Variants in WASF1 observed in about 807,000 individuals in gnomAD.
The protein encoded by WASF1 is actin-binding protein WASF1.
A neutral mutation model predicts 50.5 loss-of-function variants in WASF1; 7 were observed. The ratio of observed to expected loss-of-function variants is 0.14; its 90% CI spans 0.08 to 0.26. The LOEUF (loss-of-function observed/expected upper bound fraction) is 0.26. Among genes scored for constraint, WASF1 ranks in the 10% least tolerant of loss-of-function variants. The pLI, the probability that WASF1 is intolerant of heterozygous loss-of-function variation, is 1.00. For missense variants in WASF1, 470 were observed against 694.7 expected (o/e 0.68, Z 3.64); for synonymous variants, 205 against 244.0 (o/e 0.84, Z 1.49).
At chr6:110,141,919 G>A (rs566243930) in intron 3 of WASF1, among the ~76,000 whole-genome samples, 1 of 151,984 alleles carries the variant, frequency 6.6e-6, no homozygotes, top group Admixed American at 6.5e-5. Context: ...TTACAGGTGC[G>A]CACCGCCACG....
intron 6 of WASF1, 69 bp downstream of exon 6, chr6:110,108,459 T>G: frequency 1.4e-6 from 2 of 1,452,192 alleles, no homozygotes; most frequent in Non-Finnish European, 1.9e-6. Context: ...TAAAGAATGT[T>G]TGGGGATTTA....
At chr6:110,119,146 G>A (rs962702711) in intron 4 of WASF1, among the ~76,000 whole-genome samples, 3 of 152,088 alleles carry the variant, frequency 2.0e-5, no homozygotes, top group African/African-American at 7.2e-5. Context: ...AGAGAAGCAA[G>A]AGCAAACATG....
At chr6:110,138,972 G>A (rs560410351) in intron 3 of WASF1, among the ~76,000 whole-genome samples, 57 of 152,304 alleles carry the variant, frequency 3.7e-4, no homozygotes, top group African/African-American at 1.3e-3. Context: ...GCTGTCCATG[G>A]CACCCAGGCT....
At chr6:110,143,917 A>T (rs973615329) in intron 3 of WASF1, among the ~76,000 whole-genome samples, 1 of 152,216 alleles carries the variant, frequency 6.6e-6, no homozygotes, top group African/African-American at 2.4e-5. Context: ...GTGCCGCGAT[A>T]AACATACGTG....
chr6:110,118,960 A>G (rs1773949173), intron 4 of WASF1, among the ~76,000 whole-genome samples: 1 of 152,224 alleles, frequency 6.6e-6, no homozygotes, highest in Admixed American at 6.5e-5. Flanking sequence ...AAATAACAAA[A>G]TGAAGGCAGA....
chr6:110,131,163 T>G (rs1009445257), intron 3 of WASF1, among the ~76,000 whole-genome samples: 11 of 152,204 alleles, frequency 7.2e-5, no homozygotes, highest in African/African-American at 2.4e-4. Flanking sequence ...GTTTTTACGC[T>G]CCATGTGGTA....
rs989689838 is a variant in WASF1, at chr6:110,125,146, G to A, written c.133+2323C>T. Among the ~76,000 whole-genome samples, 5 of 151,984 alleles carry A rather than the reference G, an allele frequency of 3.3e-5. No individual in the cohort carries two copies. In the East Asian group the frequency reaches 5.8e-4, roughly 18 times the overall value. On this transcript the variant is annotated intron_variant, in intron 4 of 10. Coordinates refer to ENST00000392589, the MANE Select transcript of WASF1 (RefSeq NM_003931.3). ...ATCAATTGTTATTTTAACTATTTTC[G>A]ATGGAAACTTGTGAAATGTATTCTA...
At chr6:110,140,262 C>T (rs960411433) in intron 3 of WASF1, among the ~76,000 whole-genome samples, 37 of 152,134 alleles carry the variant, frequency 2.4e-4, no homozygotes, top group Admixed American at 6.5e-5. Context: ...CATGGAGGTT[C>T]CTGGAAAGTG....
At chr6:110,139,081 T>C (rs1775100544) in intron 3 of WASF1, among the ~76,000 whole-genome samples, 1 of 152,016 alleles carries the variant, frequency 6.6e-6, no homozygotes, top group East Asian at 1.9e-4. Context: ...CTGGAGGGGG[T>C]CAAGGTGGCA....
intron 2 of WASF1, among the ~76,000 whole-genome samples, chr6:110,176,980 T>C (rs1776956619): frequency 6.6e-6 from 1 of 152,028 alleles, no homozygotes; most frequent in African/African-American, 2.4e-5. Flanking sequence ...AATCACAAGG[T>C]ACTATGTACT....
intron 3 of WASF1, among the ~76,000 whole-genome samples, chr6:110,152,673 A>G (rs76545485): frequency 0.04 from 6,062 of 152,268 alleles, 141 homozygotes; most frequent in East Asian, 0.12. Context: ...CTGAGTCCCT[A>G]TGCAGAGAAT....
intron 4 of WASF1, among the ~76,000 whole-genome samples, 154 bp downstream of exon 4, chr6:110,127,315 T>C (rs1490288452): frequency 6.6e-6 from 1 of 152,218 alleles, no homozygotes; most frequent in African/African-American, 2.4e-5. Flanking sequence ...CTTGTAAAAC[T>C]CAATAATTAT....
chr6:110,113,464 AGC>A lies in WASF1; in HGVS notation c.134-6_134-5del. On this transcript the variant is annotated splice_region_variant and splice_polypyrimidine_tract_variant and intron_variant, in intron 4 of 10. Coordinates refer to ENST00000392589, the MANE Select transcript of WASF1 (RefSeq NM_003931.3). ...AATATATCTTCAGCATATTTACCTAAGCAAAAATGACACATATATCATAAAAT... is the reference window on the plus strand; with the variant it reads ...AATATATCTTCAGCATATTTACCTAAAAAAATGACACATATATCATAAAAT... 6.3e-7 allele frequency: 1 copy of A among 1,584,212 alleles called. No homozygotes were observed. Among genetic ancestry groups the A allele is most frequent in the South Asian group, 1.2e-5 (1 of 85,296 alleles).
chr6:110,147,295 G>A (rs1012809974), intron 3 of WASF1, among the ~76,000 whole-genome samples: 2 of 149,258 alleles, frequency 1.3e-5, no homozygotes, highest in Admixed American at 6.7e-5. Context: ...GCAGTGAGCC[G>A]AGATCATGCC....
At chr6:110,101,500 A>C in intron 10 of WASF1, 88 bp downstream of exon 10, 1 of 1,494,790 alleles carries the variant, frequency 6.7e-7, no homozygotes. Flanking sequence ...CTAAAATTTT[A>C]TAGATAAGGA....
At chr6:110,127,726 G>A in intron 3 of WASF1, 97 bp from the exon 4 acceptor site, 1 of 1,148,386 alleles carries the variant, frequency 8.7e-7, no homozygotes, top group Non-Finnish European at 1.1e-6. Flanking sequence ...GTTGACCCTT[G>A]AACAACATGG....
At chr6:110,122,554 A>C (rs1248931599) in intron 4 of WASF1, among the ~76,000 whole-genome samples, 1 of 152,204 alleles carries the variant, frequency 6.6e-6, no homozygotes, top group Non-Finnish European at 1.5e-5. Context: ...ACAGCAAGAC[A>C]AACTCCTCCT....
intron 3 of WASF1, among the ~76,000 whole-genome samples, chr6:110,151,973 G>A (rs1350433193): frequency 6.6e-6 from 1 of 152,046 alleles, no homozygotes; most frequent in East Asian, 1.9e-4. Context: ...CTTTATTGAG[G>A]TATAAGTGAA....
At chr6:110,130,683 A>G (rs1562173175) in intron 3 of WASF1, among the ~76,000 whole-genome samples, 1 of 152,226 alleles carries the variant, frequency 6.6e-6, no homozygotes, top group Non-Finnish European at 1.5e-5. Context: ...ATTCATGCAC[A>G]TGTGTCTTAG....
Sources: gnomAD v4.1 joint callset for allele counts (sites outside exome capture counted in the v4.1 genomes callset) on GRCh38, gnomAD v4.1.1 for gene constraint, MANE v1.5 for transcripts, NCBI Gene and HGNC (gene_info 2026-07-23, HGNC 2026-07-21) for gene names.